The following C11orf97 variants were observed in gnomAD, a reference collection of about 807,000 sequenced individuals.
C11orf97 encodes chromosome 11 open reading frame 97, also known as uncharacterized protein C11orf97.
C11orf97 carries 15 observed loss-of-function variants against 16.2 expected under a neutral mutation model. That is an observed-to-expected ratio of 0.93 (90% CI 0.62 to 1.43). The LOEUF is 1.43. C11orf97 is among the 40% of genes most tolerant of loss of function. C11orf97 has a pLI of 0.00. For missense variants in C11orf97, 171 were observed against 161.2 expected (o/e 1.06, Z -0.33); for synonymous variants, 61 against 65.7 (o/e 0.93, Z 0.34).
chr11:94,530,511 T>A (rs1326986586), intron 3 of C11orf97, among the ~76,000 whole-genome samples: 1 of 152,210 alleles, frequency 6.6e-6, no homozygotes, highest in Admixed American at 6.5e-5. Flanking sequence ...TCAAAAATTG[T>A]CAGTAGTAAT....
In C11orf97 at chr11:94,528,115, G is replaced by A; in HGVS notation, c.282G>A (p.Arg94=). The change falls in exon 3 of 4, where the codon AGG becomes AGA. Residue 94 remains arginine (R), a synonymous_variant. Coordinates refer to ENST00000542198, the MANE Select transcript of C11orf97 (RefSeq NM_001190462.2). The part of the protein sequence containing the change: ...VALEGIWSIK[R]NLPVGGLKPG... ...TGGAAGGGATTTGGAGCATTAAAAG[G>A]AATCTGCCTGTGGGAGGCTTGAAGC... 2 of 1,535,434 alleles carry A rather than the reference G, an allele frequency of 1.3e-6. No individual in the cohort carries two copies. Among genetic ancestry groups the A allele is most frequent in the South Asian group, 1.2e-5 (1 of 83,978 alleles).
chr11:94,530,206 C>T (rs918337206), intron 3 of C11orf97, among the ~76,000 whole-genome samples: 4 of 152,236 alleles, frequency 2.6e-5, no homozygotes, highest in Admixed American at 2.6e-4. Context: ...TACTCATCCA[C>T]ACTACATTCC....
At chr11:94,515,392 C>G (rs2086072910) in intron 1 of C11orf97, among the ~76,000 whole-genome samples, 1 of 152,102 alleles carries the variant, frequency 6.6e-6, no homozygotes, top group Non-Finnish European at 1.5e-5. Flanking sequence ...AGTCATACTT[C>G]TCAGTGATCA....
chr11:94,520,062 G>T (rs1169228525), intron 2 of C11orf97, among the ~76,000 whole-genome samples: 9 of 152,204 alleles, frequency 5.9e-5, no homozygotes, highest in African/African-American at 2.2e-4. Flanking sequence ...TATTTTTAAA[G>T]ATAAGTACAT....
intron 1 of C11orf97, among the ~76,000 whole-genome samples, chr11:94,514,287 A>C (rs547168691): frequency 3.9e-5 from 6 of 152,318 alleles, no homozygotes; most frequent in Middle Eastern, 3.4e-3. Flanking sequence ...CTAATGACTT[A>C]AGGCAGGTGT....
chr11:94,525,061 GA>G (rs1411945342), intron 2 of C11orf97, among the ~76,000 whole-genome samples: 1 of 89,396 alleles, frequency 1.1e-5, no homozygotes, highest in East Asian at 3.0e-4. Context: ...TCCATCTCAA[GA>G]AAAAAAGAAA....
chr11:94,516,479 G>A (rs1358955620), intron 1 of C11orf97, among the ~76,000 whole-genome samples: 2 of 152,152 alleles, frequency 1.3e-5, no homozygotes, highest in Non-Finnish European at 2.9e-5. Context: ...AGTTCTAACT[G>A]AACACACATT....
chr11:94,527,525 G>A (rs1007394590), intron 2 of C11orf97, among the ~76,000 whole-genome samples: 2 of 152,178 alleles, frequency 1.3e-5, no homozygotes, highest in Non-Finnish European at 2.9e-5. Flanking sequence ...AATTATCAAT[G>A]GGCAAACATC....
At chr11:94,520,473 C>A (rs1356958214) in intron 2 of C11orf97, among the ~76,000 whole-genome samples, 1 of 152,164 alleles carries the variant, frequency 6.6e-6, no homozygotes, top group Non-Finnish European at 1.5e-5. Flanking sequence ...GCTAATGACT[C>A]CAGCATTTTT....
chr11:94,519,194 C>A (rs905791258), intron 2 of C11orf97, among the ~76,000 whole-genome samples: 1 of 152,166 alleles, frequency 6.6e-6, no homozygotes, highest in Non-Finnish European at 1.5e-5. Flanking sequence ...AGGCATGAGC[C>A]ACCACGCCCG....
intron 2 of C11orf97, among the ~76,000 whole-genome samples, chr11:94,521,364 C>T (rs1013989256): frequency 6.6e-6 from 1 of 152,206 alleles, no homozygotes; most frequent in Non-Finnish European, 1.5e-5. Flanking sequence ...CCTGGGCTAG[C>T]GATCTGCCTT....
chr11:94,516,684 G>T (rs1039542791), intron 1 of C11orf97, among the ~76,000 whole-genome samples: 3 of 151,634 alleles, frequency 2.0e-5, no homozygotes, highest in Admixed American at 1.3e-4. Context: ...ATAAAGGAGG[G>T]TGCCATGATA....
intron 1 of C11orf97, among the ~76,000 whole-genome samples, chr11:94,515,367 A>G (rs1330925260): frequency 1.3e-5 from 2 of 152,180 alleles, no homozygotes; most frequent in Admixed American, 6.5e-5. Context: ...GAAATTCTGG[A>G]ATAATACTGT....
chr11:94,513,982 G>A (rs113516087), intron 1 of C11orf97, among the ~76,000 whole-genome samples: 10 of 152,184 alleles, frequency 6.6e-5, no homozygotes, highest in African/African-American at 1.4e-4. Context: ...TAATGTTTTC[G>A]CATTTTTAGT....
At chr11:94,516,271 G>T (rs1312721940) in intron 1 of C11orf97, among the ~76,000 whole-genome samples, 4 of 152,108 alleles carry the variant, frequency 2.6e-5, no homozygotes, top group African/African-American at 9.7e-5. Context: ...TGAGATACCT[G>T]CCCATATATA....
chr11:94,520,620 T>C (rs1465740232), intron 2 of C11orf97, among the ~76,000 whole-genome samples: 1 of 152,202 alleles, frequency 6.6e-6, no homozygotes, highest in East Asian at 1.9e-4. Context: ...AAAAAACCCA[T>C]AGGTCTTTCC....
intron 1 of C11orf97, among the ~76,000 whole-genome samples, chr11:94,515,648 C>T (rs749287945): frequency 1.4e-5 from 2 of 142,310 alleles, no homozygotes; most frequent in Non-Finnish European, 3.0e-5. Flanking sequence ...TTCTTTTGTC[C>T]TTTCTCCTTT....
rs116848534 is a variant in C11orf97, at chr11:94,522,066, G to A, written c.250+4379G>A. On this transcript the variant is annotated intron_variant, in intron 2 of 3. Transcript: ENST00000542198. ...CATTCTCCGAATCTTGATGTTTATC[G>A]GAGTGTTTCCCACAGTCTTGTAATC... Among the ~76,000 whole-genome samples, 1,090 of 152,190 alleles carry A rather than the reference G, an allele frequency of 7.2e-3. 10 individuals are homozygous for A. Among genetic ancestry groups the A allele is most frequent in the Admixed American group, 0.012 (177 of 15,270 alleles).
chr11:94,514,333 A>T (rs925084965), intron 1 of C11orf97, among the ~76,000 whole-genome samples: 5 of 152,172 alleles, frequency 3.3e-5, no homozygotes, highest in African/African-American at 1.2e-4. Flanking sequence ...TGGGGTGGGA[A>T]AATGAAAGAG....
Sources: allele counts gnomAD v4.1 joint callset (sites outside exome capture counted in the v4.1 genomes callset), GRCh38; gene constraint gnomAD v4.1.1; transcripts MANE v1.5; gene names NCBI Gene and HGNC (gene_info 2026-07-23, HGNC 2026-07-21).